The following GNAL variants were observed in gnomAD, a reference collection of about 807,000 sequenced individuals.
GNAL encodes the protein G protein subunit alpha L, also known as guanine nucleotide-binding protein G(olf) subunit alpha.
GNAL carries 18 observed loss-of-function variants against 55.1 expected under a neutral mutation model. The ratio of observed to expected loss-of-function variants is 0.33; its 90% confidence interval spans 0.23 to 0.48. The LOEUF (loss-of-function observed/expected upper bound fraction) is 0.48. Ranked by LOEUF, GNAL falls within the 20% of genes least tolerant of loss-of-function variation. The probability of loss-of-function intolerance (pLI) is 0.99; values close to 1 mark genes in which losing one functional copy is unlikely to be tolerated. For synonymous variants in GNAL, 253 were observed against 237.0 expected (o/e 1.07, Z -0.62); for missense variants, 412 against 614.1 (o/e 0.67, Z 3.48).
chr18:11,849,322 C>A (rs959284658), intron 5 of GNAL, among the ~76,000 whole-genome samples: 1 of 152,034 alleles, frequency 6.6e-6, no homozygotes, highest in Non-Finnish European at 1.5e-5. Flanking sequence ...ACCAACATGG[C>A]GAAACCCCAG....
chr18:11,742,024 C>G (rs1425613511), intron 1 of GNAL, among the ~76,000 whole-genome samples: 2 of 152,202 alleles, frequency 1.3e-5, no homozygotes, highest in African/African-American at 4.8e-5. Flanking sequence ...ACACTAACTC[C>G]TCATTTCTCC....
Position 11,872,397 on chromosome 18 carries a change from C to T in GNAL, c.1161C>T (p.Asp387=), listed in dbSNP as rs201861102. 1.1e-4 allele frequency: 164 copies of T among 1,543,462 alleles called. No homozygotes were observed. The highest frequency in any genetic ancestry group is 6.1e-4 in the African/African-American group (43 of 70,546). Residue 387 remains aspartate, a splice_region_variant and synonymous_variant, in exon 10 of 12, where the codon GAC becomes GAT. Transcript: ENST00000334049. Reference sequence around the variant, plus strand: ...ATGCAAATTATACTGTTCCTGAAGACGGTAAGATTTCAAAACACATTCTTA... The same window carrying T: ...ATGCAAATTATACTGTTCCTGAAGATGGTAAGATTTCAAAACACATTCTTA... ...PEYANYTVPE[D]ATPDAGEDPK... is the part of the protein sequence containing the mutation.
At chr18:11,867,462 T>C (rs1325087110) in intron 8 of GNAL, among the ~76,000 whole-genome samples, 1 of 151,768 alleles carries the variant, frequency 6.6e-6, no homozygotes, top group East Asian at 1.9e-4. Context: ...GCGGATAACC[T>C]GAAGTCAGGA....
At chr18:11,728,439 GC>G (rs1463079680) in intron 1 of GNAL, among the ~76,000 whole-genome samples, 1 of 152,114 alleles carries the variant, frequency 6.6e-6, no homozygotes, top group Non-Finnish European at 1.5e-5. Context: ...TCTTGATTCT[GC>G]CCTCTTCTGG....
chr18:11,869,684 G>A (rs372272788), intron 9 of GNAL, among the ~76,000 whole-genome samples: 6 of 151,816 alleles, frequency 4.0e-5, no homozygotes, highest in South Asian at 2.1e-4. Context: ...AGGCTGAGAC[G>A]GGGGAATTGC....
intron 1 of GNAL, among the ~76,000 whole-genome samples, chr18:11,743,281 A>C (rs2032617787): frequency 6.8e-6 from 1 of 146,600 alleles, no homozygotes; most frequent in East Asian, 2.0e-4. Context: ...ATGTCACCAC[A>C]CCTTTGATTT....
chr18:11,735,856 A>C (rs536133388), intron 1 of GNAL, among the ~76,000 whole-genome samples: 3 of 152,124 alleles, frequency 2.0e-5, no homozygotes, highest in African/African-American at 4.8e-5. Context: ...GGTCACAGTA[A>C]AAAGTTCAGA....
intron 1 of GNAL, among the ~76,000 whole-genome samples, chr18:11,727,867 T>C (rs2032247607): frequency 6.6e-6 from 1 of 152,176 alleles, no homozygotes; most frequent in African/African-American, 2.4e-5. Flanking sequence ...GAGTGTGGGC[T>C]ATGGTGTCCA....
chr18:11,790,651 C>CCT (rs2034203867), intron 4 of GNAL, among the ~76,000 whole-genome samples: 1 of 83,358 alleles, frequency 1.2e-5, no homozygotes, highest in African/African-American at 5.4e-5. Flanking sequence ...CTTTTCTTTT[C>CCT]TTTTTTTTTC....
chr18:11,824,650 T>C (rs1177917901), intron 4 of GNAL, among the ~76,000 whole-genome samples: 1 of 151,246 alleles, frequency 6.6e-6, no homozygotes, highest in Non-Finnish European at 1.5e-5. Flanking sequence ...ATGGCACCAC[T>C]GCACTCCAGC....
At position 11,689,678 on chromosome 18, in the gene GNAL, G is replaced by A; in HGVS notation, c.115G>A (p.Ala39Thr). The part of the protein sequence containing the change: ...DAQPAPAPAL[A>T]PVRAAARDTA... Reference sequence around the variant, plus strand: ...GCAGCCCGCCCCGGCCCCGGCCCTGGCCCCAGTCCGGGCGGCCGCAAGGGA... The same window carrying A: ...GCAGCCCGCCCCGGCCCCGGCCCTGACCCCAGTCCGGGCGGCCGCAAGGGA... Residue 39 changes from alanine to threonine, a missense_variant, in exon 1 of 12, where the codon GCC becomes ACC. Physicochemically the swap from Ala to Thr is moderately conservative, Grantham distance 58 (BLOSUM62 0). This residue lies in a region of GNAL where 228 missense variants were observed against 194.8 expected (regional missense o/e 1.17). Transcript: ENST00000334049. The A allele has an allele frequency of 6.8e-7, 1 of 1,463,184 alleles. No homozygotes were observed. The highest frequency in any genetic ancestry group is 9.0e-7 in the Non-Finnish European group (1 of 1,112,754). 90.6% of individuals were successfully genotyped at this position (1,463,184 alleles called of 1,614,324 possible).
intron 6 of GNAL, among the ~76,000 whole-genome samples, chr18:11,863,798 A>G (rs1218648978): frequency 2.0e-5 from 3 of 152,198 alleles, no homozygotes; most frequent in African/African-American, 7.2e-5. Flanking sequence ...GAAATCAACT[A>G]GCATCCAGTT....
chr18:11,718,151 C>G (rs2143392803), intron 1 of GNAL, among the ~76,000 whole-genome samples: 1 of 151,928 alleles, frequency 6.6e-6, no homozygotes, highest in South Asian at 2.1e-4. Flanking sequence ...TATCAGATTA[C>G]CAAGGTAATA....
Position 11,844,018 on chromosome 18 carries a change from A to G in GNAL, c.723-18377A>G, listed in dbSNP as rs113201641. Among the ~76,000 whole-genome samples, 389 of 152,296 alleles carry G rather than the reference A, an allele frequency of 2.6e-3. 2 individuals carry two copies. Among genetic ancestry groups the G allele is most frequent in the African/African-American group, 8.9e-3 (369 of 41,576 alleles). ...TATGTTTTGGCCGAAAAGTTTAATT[A>G]CAGTTATTCCTTGACGAAAAGAAAT... On this transcript the variant is annotated intron_variant, in intron 5 of 11. Coordinates refer to ENST00000334049, the MANE Select transcript of GNAL (RefSeq NM_182978.4).
intron 5 of GNAL, among the ~76,000 whole-genome samples, chr18:11,842,017 G>C (rs950203333): frequency 1.3e-5 from 2 of 151,720 alleles, no homozygotes; most frequent in Admixed American, 1.3e-4. Flanking sequence ...TTGTTGCCCA[G>C]GCTGAAGTGC....
intron 1 of GNAL, among the ~76,000 whole-genome samples, chr18:11,732,233 A>G (rs976487634): frequency 3.3e-5 from 5 of 152,338 alleles, no homozygotes; most frequent in Admixed American, 6.5e-5. Flanking sequence ...TGTATGTTCA[A>G]CTTTTTAAGA....
At chr18:11,757,532 C>T (rs1044662462) in intron 4 of GNAL, among the ~76,000 whole-genome samples, 1 of 152,020 alleles carries the variant, frequency 6.6e-6, no homozygotes, top group Admixed American at 6.6e-5. Context: ...GAAAAGTGGC[C>T]TGAGTTGGGA....
chr18:11,712,269 T>A (rs1172771602), intron 1 of GNAL, among the ~76,000 whole-genome samples: 1 of 152,086 alleles, frequency 6.6e-6, no homozygotes, highest in Non-Finnish European at 1.5e-5. Flanking sequence ...TTAATTCCAC[T>A]CTCTCGGGGA....
chr18:11,884,249 G>T lies in GNAL; in HGVS notation c.*3114G>T. On this transcript the variant is annotated 3_prime_UTR_variant, in exon 12 of 12. Transcript: ENST00000334049. Reference sequence around the variant, plus strand: ...AATGAGAAAACAGATTTGTTGTAGAGTACCTGTCCACTTTTATAGCATGAG... The same window carrying T: ...AATGAGAAAACAGATTTGTTGTAGATTACCTGTCCACTTTTATAGCATGAG... 1 of 572,952 alleles carries T rather than the reference G, an allele frequency of 1.7e-6. No homozygotes were observed. The highest frequency in any genetic ancestry group is 3.1e-6 in the Non-Finnish European group (1 of 322,710). 35.5% of individuals were successfully genotyped at this position (572,952 alleles called of 1,614,324 possible). A position where few individuals can be genotyped will look rare whatever the true frequency, so the allele number is the denominator to read the frequency against.
Sources: gnomAD v4.1 joint callset for allele counts (sites outside exome capture counted in the v4.1 genomes callset) on GRCh38, gnomAD v4.1.1 for gene constraint, gnomAD v4.1.1 regional missense constraint, MANE v1.5 for transcripts, NCBI Gene and HGNC (gene_info 2026-07-23, HGNC 2026-07-21) for gene names.